The following DHX32 variants were observed in gnomAD, a reference collection of about 807,000 sequenced individuals.
The protein encoded by DHX32 is DEAH-box helicase 32 (putative), also known as putative pre-mRNA-splicing factor ATP-dependent RNA helicase DHX32.
In DHX32, 51 loss-of-function variants were observed where a neutral mutation model predicts 70.0. That is an observed-to-expected ratio of 0.73 (90% CI 0.58 to 0.92). The LOEUF (loss-of-function observed/expected upper bound fraction) is 0.92, where lower values mean the gene tolerates loss of function less well. DHX32 is among the 40% of genes least tolerant of loss of function. DHX32 has a pLI of 0.00. For synonymous variants in DHX32, 310 were observed against 315.3 expected (o/e 0.98, Z 0.18); for missense variants, 762 against 891.8 (o/e 0.85, Z 1.85).
Position 125,838,396 on chromosome 10 carries a change from C to T in DHX32, c.1882-9G>A. Reference sequence around the variant, plus strand: ...TCAACATCCCGAGCAATCTGAAAGGCAGAATTTTAAAGAAAAAAGATTTTG... The same window carrying T: ...TCAACATCCCGAGCAATCTGAAAGGTAGAATTTTAAAGAAAAAAGATTTTG... On this transcript the variant is annotated splice_polypyrimidine_tract_variant and intron_variant, in intron 9 of 10. Coordinates refer to ENST00000284690, the MANE Select transcript of DHX32 (RefSeq NM_018180.3). 2 of 1,549,628 alleles carry T rather than the reference C, an allele frequency of 1.3e-6. No individual in the cohort carries two copies. Among genetic ancestry groups the T allele is most frequent in the Middle Eastern group, 1.7e-4 (1 of 5,796 alleles).
chr10:125,890,818 C>G (rs1389445978), intron 1 of DHX32: 2 of 152,196 alleles, frequency 1.3e-5, no homozygotes, highest in African/African-American at 2.4e-5. Flanking sequence ...TGCCTGTAAT[C>G]CCATCCTTTT....
At chr10:125,863,297 A>T (rs1944200780) in intron 2 of DHX32, among the ~76,000 whole-genome samples, 1 of 152,130 alleles carries the variant, frequency 6.6e-6, no homozygotes, top group South Asian at 2.1e-4. Context: ...AAAGAAGAAC[A>T]AAGTTGTTAC....
intron 1 of DHX32, among the ~76,000 whole-genome samples, chr10:125,873,803 A>G (rs1944269030): frequency 6.6e-6 from 1 of 152,210 alleles, no homozygotes; most frequent in South Asian, 2.1e-4. Context: ...AACAATTCAC[A>G]TACATCTTGG....
chr10:125,840,949 A>G lies in DHX32; in HGVS notation c.1591T>C (p.Leu531=). 5 of 1,612,250 alleles carry G rather than the reference A, an allele frequency of 3.1e-6. No homozygotes were observed. The highest frequency in any genetic ancestry group is 4.2e-6 in the Non-Finnish European group (5 of 1,178,418). Residue 531 remains leucine, a synonymous_variant, in exon 8 of 11, where the codon TTG becomes CTG. Coordinates refer to ENST00000284690, the MANE Select transcript of DHX32 (RefSeq NM_018180.3). The part of the protein sequence containing the change: ...HVPHGAEEAA[L]TCWKTFLHPE... ...TGTAAAAATGTCTTCCAACAAGTCA[A>G]GGCAGCCTCTTCAGCTCCATGTGGC...
At chr10:125,859,332 G>C (rs1944170134) in intron 3 of DHX32, among the ~76,000 whole-genome samples, 1 of 152,148 alleles carries the variant, frequency 6.6e-6, no homozygotes, top group Non-Finnish European at 1.5e-5. Context: ...CTGTGCCTTT[G>C]GGGCAGCCAC....
At position 125,872,622 on chromosome 10, in the gene DHX32, T is replaced by C. The variant is rs188042755; in HGVS notation, c.283-5439A>G. 8.7e-4 allele frequency among the ~76,000 whole-genome samples: 133 copies of C among 152,368 alleles called. 1 individual carries two copies. In the East Asian group the frequency reaches 9.1e-3, roughly 10 times the overall value. On this transcript the variant is annotated intron_variant, in intron 1 of 10. Transcript: ENST00000284690. ...ATCAATACTTCACATCTCTTTATTCTGAACTCACCAAATACTTTTTTCATG... is the reference window on the plus strand; with the variant it reads ...ATCAATACTTCACATCTCTTTATTCCGAACTCACCAAATACTTTTTTCATG...
intron 4 of DHX32, chr10:125,853,493 A>G (rs1944118490): frequency 4.2e-6 from 1 of 237,188 alleles, no homozygotes; most frequent in Admixed American, 5.5e-5. Flanking sequence ...ATAAGCCAAA[A>G]TTTGCTAAAA....
In DHX32 at chr10:125,839,129, C is replaced by T. The variant is rs375352043; in HGVS notation, c.1753G>A (p.Asp585Asn). ...TCTAAGAGTTCAGCTCGAATAACATCTGCCATTCTGAGTGCTGAACAGTTG... is the reference window on the plus strand; with the variant it reads ...TCTAAGAGTTCAGCTCGAATAACATTTGCCATTCTGAGTGCTGAACAGTTG... ...FLNCSALRMA[D>N]VIRAELLEII... is the part of the protein sequence containing the mutation. The change falls in exon 9 of 11, where the codon GAT becomes AAT. Residue 585 changes from aspartate to asparagine, a missense_variant. Physicochemically the swap from Asp to Asn is conservative, Grantham distance 23. Transcript: ENST00000284690. 3.7e-6 allele frequency: 6 copies of T among 1,614,136 alleles called. No homozygotes were observed. In the African/African-American group the frequency reaches 6.7e-5, roughly 18 times the overall value.
Position 125,867,144 on chromosome 10 carries a change from A to G in DHX32, c.322T>C (p.Tyr108His). The G allele has an allele frequency of 6.2e-7, 1 of 1,614,120 alleles. No individual in the cohort carries two copies. The highest frequency in any genetic ancestry group is 1.1e-5 in the South Asian group (1 of 91,060). The change falls in exon 2 of 11, where the codon TAC becomes CAC. Residue 108 changes from tyrosine (Y) to histidine (H), a missense_variant. Tyr to His is a moderately conservative substitution (Grantham distance 83). Around this residue, in one of 3 missense-constraint regions of DHX32, gnomAD observed 394 missense variants for 473.1 expected, o/e 0.83. Transcript: ENST00000284690. ...WCAEYCLSIHYQHGGVICTQV... is the reference protein window; with the variant it reads ...WCAEYCLSIHHQHGGVICTQV... ...GTGCATATCACGCCCCCGTGCTGGTAGTGGATGGAAAGACAATATTCAGCA... is the reference window on the plus strand; with the variant it reads ...GTGCATATCACGCCCCCGTGCTGGTGGTGGATGGAAAGACAATATTCAGCA...
At position 125,866,985 on chromosome 10, in the gene DHX32, C is replaced by A. The variant is rs1455285923; in HGVS notation, c.476+5G>T. 1.2e-6 allele frequency: 2 copies of A among 1,610,542 alleles called. No individual in the cohort carries two copies. The highest frequency in any genetic ancestry group is 2.7e-5 in the African/African-American group (2 of 74,910). On this transcript the variant is annotated splice_donor_5th_base_variant and intron_variant, in intron 2 of 10. Coordinates refer to ENST00000284690, the MANE Select transcript of DHX32 (RefSeq NM_018180.3). The surrounding 1 kb of genome is among the most constrained non-coding windows in gnomAD (Gnocchi z 4.8). ...CAGGGAGCGGACTGAACCCCACAAA[C>A]CAACCTCAGGATTGTTTCGTTGGTA... is the stretch of plus-strand genomic sequence containing the variant.
Position 125,836,640 on chromosome 10 carries a change from A to G in DHX32, c.*47T>C, listed in dbSNP as rs1437440402. On this transcript the variant is annotated 3_prime_UTR_variant, in exon 11 of 11. Transcript: ENST00000284690. Reference sequence around the variant, plus strand: ...ATCTCCCATATCCAGCAGTTCAGCCATCCAGCTACCTTTGGGACCCTGCTG... The same window carrying G: ...ATCTCCCATATCCAGCAGTTCAGCCGTCCAGCTACCTTTGGGACCCTGCTG... The G allele has an allele frequency of 1.3e-6, 2 of 1,593,390 alleles. No homozygotes were observed. The highest frequency in any genetic ancestry group is 2.3e-5 in the South Asian group (2 of 87,758).
intron 1 of DHX32, among the ~76,000 whole-genome samples, chr10:125,872,771 T>C (rs537863120): frequency 6.6e-6 from 1 of 152,292 alleles, no homozygotes; most frequent in East Asian, 1.9e-4. Context: ...CTCTGGGGCA[T>C]GCAAGGTAAG....
At chr10:125,882,255 T>C (rs188674089), upstream of DHX32, among the ~76,000 whole-genome samples, 194 of 152,286 alleles carry the variant, frequency 1.3e-3, 1 homozygote, top group African/African-American at 4.5e-3. Context: ...AAACTCAAGT[T>C]AAAAAGAATA....
At position 125,865,592 on chromosome 10, in the gene DHX32, C is replaced by T. The variant is rs560579075; in HGVS notation, c.476+1398G>A. Reference sequence around the variant, plus strand: ...TCACCCAGGCAGGAGTGCAGTGGCGCGATCACAGCTCACTGCAGCCTCGAT... The same window carrying T: ...TCACCCAGGCAGGAGTGCAGTGGCGTGATCACAGCTCACTGCAGCCTCGAT... On this transcript the variant is annotated intron_variant, in intron 2 of 10. Coordinates refer to ENST00000284690, the MANE Select transcript of DHX32 (RefSeq NM_018180.3). Among the ~76,000 whole-genome samples, 23 of 152,118 alleles carry T rather than the reference C, an allele frequency of 1.5e-4. No individual in the cohort carries two copies. The South Asian group carries it at 2.3e-3, about 15-fold the overall frequency.
chr10:125,891,426 G>A (rs1389939654), intron 1 of DHX32, among the ~76,000 whole-genome samples: 1 of 152,172 alleles, frequency 6.6e-6, no homozygotes, highest in Non-Finnish European at 1.5e-5. Context: ...TTGATTTGTT[G>A]TCCCAAATGT....
Position 125,881,010 on chromosome 10 carries a change from AC to A in DHX32, c.-187del, listed in dbSNP as rs1478312824. On this transcript the variant is annotated 5_prime_UTR_variant, in exon 1 of 11. An upstream open reading frame in the 5' UTR loses its in-frame stop. Transcript: ENST00000284690. ...TGCATCTGTTCTCCGTTGCTGTGTT[AC>A]CCACTGTGCTGGCTCACTACAGCAC... 1 of 661,228 alleles carries A rather than the reference AC, an allele frequency of 1.5e-6. No homozygotes were observed. The highest frequency in any genetic ancestry group is 2.5e-6 in the Non-Finnish European group (1 of 400,548). The allele number at this position is 661,228 out of a possible 1,614,324, so 41.0% of individuals were successfully genotyped here. A position where few individuals can be genotyped will look rare whatever the true frequency, so the allele number is the denominator to read the frequency against.
At chr10:125,870,769 G>A (rs1470150215) in intron 1 of DHX32, among the ~76,000 whole-genome samples, 2 of 152,110 alleles carry the variant, frequency 1.3e-5, no homozygotes, top group South Asian at 2.1e-4. Flanking sequence ...CCCGGGAGGC[G>A]CAGGTTGCAG....
At chr10:125,859,567 C>G (rs1456662255) in intron 3 of DHX32, 36 bp downstream of exon 3, 1 of 1,524,254 alleles carries the variant, frequency 6.6e-7, no homozygotes. Flanking sequence ...AAATGAAATA[C>G]CTTATTACTG....
At chr10:125,845,444 A>C (rs1944005787) in intron 6 of DHX32, among the ~76,000 whole-genome samples, 1 of 152,234 alleles carries the variant, frequency 6.6e-6, no homozygotes, top group South Asian at 2.1e-4. Flanking sequence ...TAAAAGTTTT[A>C]GTCTGCAATT....
Sources: allele counts gnomAD v4.1 joint callset (sites outside exome capture counted in the v4.1 genomes callset), GRCh38; gene constraint gnomAD v4.1.1; regional missense constraint gnomAD v4.1.1; non-coding constraint Gnocchi (gnomAD v3.1); transcripts MANE v1.5; gene names NCBI Gene and HGNC (gene_info 2026-07-23, HGNC 2026-07-21).